Variants in RYK observed in about 807,000 individuals in gnomAD.
RYK encodes the protein inactive tyrosine-protein kinase RYK.
In RYK, 21 loss-of-function variants were observed where a neutral mutation model predicts 70.2. The observed-to-expected ratio is 0.30, with a 90% CI of 0.21 to 0.43. The LOEUF (loss-of-function observed/expected upper bound fraction) is 0.43, where lower values mean the gene tolerates loss of function less well. Ranked by LOEUF, RYK falls within the 20% of genes least tolerant of loss-of-function variation. The probability of loss-of-function intolerance (pLI) is 1.00; values close to 1 mark genes in which losing one functional copy is unlikely to be tolerated. For missense variants in RYK, 604 were observed against 753.3 expected (o/e 0.80, Z 2.32); for synonymous variants, 267 against 278.0 (o/e 0.96, Z 0.39).
chr3:134,176,133 A>G (rs1242154754), intron 11 of RYK, 94 bp from the exon 12 acceptor site: 1 of 754,272 alleles, frequency 1.3e-6, no homozygotes, highest in African/African-American at 1.8e-5. Flanking sequence ...CTCCATCCAA[A>G]AATACTGCTT....
intron 6 of RYK, among the ~76,000 whole-genome samples, chr3:134,200,250 T>A (rs961343035): frequency 6.6e-6 from 1 of 152,118 alleles, no homozygotes; most frequent in Admixed American, 6.5e-5. Flanking sequence ...GCTGTAACAC[T>A]GCGAAGGTCT....
intron 7 of RYK, among the ~76,000 whole-genome samples, chr3:134,193,383 C>T (rs2013710875): frequency 1.3e-5 from 2 of 152,136 alleles, no homozygotes; most frequent in South Asian, 4.1e-4. Context: ...TGGGGTTTCA[C>T]CGTGTTAGCC....
At chr3:134,183,168 G>A (rs1224417652) in intron 9 of RYK, 97 bp from the exon 10 acceptor site, 12 of 584,446 alleles carry the variant, frequency 2.1e-5, no homozygotes, top group East Asian at 3.4e-5. Flanking sequence ...GAACTATAAG[G>A]TACATAGGTT....
At chr3:134,238,371 A>C (rs534807447) in intron 1 of RYK, among the ~76,000 whole-genome samples, 1 of 152,334 alleles carries the variant, frequency 6.6e-6, no homozygotes, top group East Asian at 1.9e-4. Context: ...GTGTATGTTC[A>C]TACACAGAAA....
chr3:134,245,939 T>C (rs1473460560), intron 1 of RYK, among the ~76,000 whole-genome samples: 40 of 152,152 alleles, frequency 2.6e-4, no homozygotes. Flanking sequence ...TTTTCTTCAT[T>C]ATAGACAGTC....
chr3:134,222,561 A>T (rs1299444234), intron 1 of RYK, 22 bp from the exon 2 acceptor site: 2 of 1,514,302 alleles, frequency 1.3e-6, no homozygotes, highest in Non-Finnish European at 1.8e-6. Context: ...TAGGAAAAAA[A>T]TAATTAAACA....
At chr3:134,240,485 G>T (rs1229679827) in intron 1 of RYK, among the ~76,000 whole-genome samples, 4 of 152,112 alleles carry the variant, frequency 2.6e-5, no homozygotes, top group Non-Finnish European at 4.4e-5. Flanking sequence ...ATTCACAGGG[G>T]ACTTTTTAAA....
At chr3:134,249,917 G>GTTTTTTT (rs71624038) in intron 1 of RYK, among the ~76,000 whole-genome samples, 8 of 93,336 alleles carry the variant, frequency 8.6e-5, no homozygotes, top group African/African-American at 2.6e-4. Context: ...TTTCTCTCTC[G>GTTTTTTT]TTTTTTTTTT....
intron 10 of RYK, chr3:134,180,299 G>A (rs1230992827): frequency 6.6e-6 from 1 of 152,126 alleles, no homozygotes; most frequent in African/African-American, 2.4e-5. Context: ...TATGTATACA[G>A]CTATTTTAAC....
At chr3:134,210,378 A>T (rs1218465576) in intron 3 of RYK, among the ~76,000 whole-genome samples, 2 of 152,018 alleles carry the variant, frequency 1.3e-5, no homozygotes, top group Non-Finnish European at 1.5e-5. Flanking sequence ...CAATGGGATA[A>T]CAGACTTCAG....
intron 2 of RYK, among the ~76,000 whole-genome samples, chr3:134,216,820 A>AAAAAAAAAAAAC (rs2014568259): frequency 6.7e-6 from 1 of 148,650 alleles, no homozygotes; most frequent in Non-Finnish European, 1.5e-5. Context: ...AAAAAAAAAA[A>AAAAAAAAAAAAC]AGCTACTGAC....
At chr3:134,206,447 C>T (rs973503963) in intron 5 of RYK, among the ~76,000 whole-genome samples, 1 of 138,526 alleles carries the variant, frequency 7.2e-6, no homozygotes, top group Admixed American at 7.5e-5. Flanking sequence ...TTGGTGGTTT[C>T]TGATTAATAC....
At chr3:134,194,813 C>T (rs2013762744) in intron 7 of RYK, among the ~76,000 whole-genome samples, 1 of 152,168 alleles carries the variant, frequency 6.6e-6, no homozygotes, top group Non-Finnish European at 1.5e-5. Flanking sequence ...ATAGAAGTGA[C>T]TTAGTAGCCC....
intron 2 of RYK, among the ~76,000 whole-genome samples, chr3:134,219,436 T>G (rs67022177): frequency 0.45 from 69,121 of 152,104 alleles, 16,295 homozygotes; most frequent in Middle Eastern, 0.58. Flanking sequence ...ACCCATACAC[T>G]TGCCCAGGAA....
At chr3:134,208,275 C>G (rs1268617322) in intron 4 of RYK, among the ~76,000 whole-genome samples, 2 of 152,216 alleles carry the variant, frequency 1.3e-5, no homozygotes, top group Admixed American at 6.5e-5. Flanking sequence ...GGTTATCATT[C>G]TGCCTTACTT....
At position 134,178,012 on chromosome 3, in the gene RYK, G is replaced by C; in HGVS notation, c.1234C>G (p.Pro412Ala). 6.2e-7 allele frequency: 1 copy of C among 1,608,498 alleles called. No individual in the cohort carries two copies. The highest frequency in any genetic ancestry group is 8.5e-7 in the Non-Finnish European group (1 of 1,175,384). Residue 412 changes from proline (P) to alanine (A), a missense_variant, in exon 11 of 15, where the codon CCT becomes GCT. Transcript: ENST00000623711. ...EEGEKPMVIL[P>A]YMNWGNLKLF... ...TTAAGATTCCCCCAATTCATGTAAG[G>C]CAATATCACCATGGGCTTTTCTCCT...
At chr3:134,223,644 T>A (rs982855303) in intron 1 of RYK, among the ~76,000 whole-genome samples, 1 of 151,506 alleles carries the variant, frequency 6.6e-6, no homozygotes, top group Non-Finnish European at 1.5e-5. Flanking sequence ...GATTTCTCCA[T>A]GATCATCCAA....
At chr3:134,179,206 A>G (rs1396886071) in intron 10 of RYK, 1 of 152,244 alleles carries the variant, frequency 6.6e-6, no homozygotes, top group Admixed American at 6.5e-5. Flanking sequence ...ATATGCAAAG[A>G]GTTAAGAGTT....
intron 13 of RYK, among the ~76,000 whole-genome samples, chr3:134,169,658 G>A (rs998179075): frequency 3.3e-5 from 5 of 152,150 alleles, no homozygotes; most frequent in African/African-American, 4.8e-5. Flanking sequence ...GAGATGCAAT[G>A]TATTATTTTC....
Sources: allele counts gnomAD v4.1 joint callset (sites outside exome capture counted in the v4.1 genomes callset), GRCh38; gene constraint gnomAD v4.1.1; transcripts MANE v1.5; gene names NCBI Gene and HGNC (gene_info 2026-07-23, HGNC 2026-07-21).